The following ASH1L variants were observed in gnomAD, a reference collection of about 807,000 sequenced individuals.
The protein encoded by ASH1L is ASH1 like histone lysine methyltransferase.
ASH1L carries 23 observed loss-of-function variants against 269.0 expected under a neutral mutation model. That is an observed-to-expected ratio of 0.09 (90% CI 0.06 to 0.12). The LOEUF (loss-of-function observed/expected upper bound fraction) is 0.12. Among genes scored for constraint, ASH1L ranks in the 10% least tolerant of loss-of-function variants. The pLI, the probability that ASH1L is intolerant of heterozygous loss-of-function variation, is 1.00. For synonymous variants in ASH1L, 1,187 were observed against 1,253.5 expected (o/e 0.95, Z 1.12); for missense variants, 2,912 against 3,567.8 (o/e 0.82, Z 4.68).
chr1:155,547,924 C>T (rs1425301321), intron 1 of ASH1L, among the ~76,000 whole-genome samples: 4 of 152,070 alleles, frequency 2.6e-5, no homozygotes, highest in South Asian at 2.1e-4. Flanking sequence ...TGCAGTAAGC[C>T]GAGATCGCAC....
rs1047286104 is a variant in ASH1L at position 155,337,688 on chromosome 1, A to G, written c.8867T>C (p.Phe2956Ser). Residue 2956 changes from phenylalanine to serine, a missense_variant, in exon 28 of 28, where the codon TTT (phenylalanine) becomes TCT (serine). Physicochemically the swap from Phe to Ser is radical, Grantham distance 155. Coordinates refer to ENST00000392403, the MANE Select transcript of ASH1L (RefSeq NM_018489.3). Reference protein sequence around the residue: ...SGRKLRRRTLFIPENSFRK With the variant: ...SGRKLRRRTLSIPENSFRK The stretch of plus-strand genomic sequence containing the variant: ...CTTTCGAAAGCTGTTTTCTGGGATA[A>G]ACAAAGTACGCCTTCGCAGTTTCCT... The G allele has an allele frequency of 1.9e-5, 31 of 1,613,862 alleles. No homozygotes were observed. Among genetic ancestry groups the G allele is most frequent in the Admixed American group, 3.3e-5 (2 of 59,994 alleles).
chr1:155,557,171 G>C (rs1462865234), intron 1 of ASH1L, among the ~76,000 whole-genome samples: 8 of 152,026 alleles, frequency 5.3e-5, no homozygotes, highest in Admixed American at 4.6e-4. Context: ...TTCCAAACAT[G>C]AAAACTTAGC....
At chr1:155,442,430 A>G (rs1037367373) in intron 4 of ASH1L, among the ~76,000 whole-genome samples, 2 of 151,876 alleles carry the variant, frequency 1.3e-5, no homozygotes, top group African/African-American at 4.8e-5. Context: ...TAAAAATACA[A>G]AAATTAGCCG....
intron 4 of ASH1L, among the ~76,000 whole-genome samples, chr1:155,456,677 C>A (rs1461923252): frequency 6.6e-6 from 1 of 152,126 alleles, no homozygotes; most frequent in Non-Finnish European, 1.5e-5. Context: ...AAAGTATAAA[C>A]CACTGCTTCT....
intron 3 of ASH1L, among the ~76,000 whole-genome samples, chr1:155,472,891 T>C (rs2148706220): frequency 6.6e-6 from 1 of 152,328 alleles, no homozygotes; most frequent in South Asian, 2.1e-4. Context: ...CTACTTTAAA[T>C]ACTGCAGTTC....
intron 6 of ASH1L, among the ~76,000 whole-genome samples, chr1:155,414,964 T>C (rs977743390): frequency 6.6e-6 from 1 of 152,182 alleles, no homozygotes; most frequent in East Asian, 1.9e-4. Context: ...AAATATTTTA[T>C]TCATCTGACA....
At chr1:155,534,441 G>GA (rs1330977849) in intron 1 of ASH1L, among the ~76,000 whole-genome samples, 1 of 151,334 alleles carries the variant, frequency 6.6e-6, no homozygotes, top group African/African-American at 2.4e-5. Context: ...GATGAGGGTG[G>GA]AAAAAACTGA....
upstream of ASH1L, chr1:155,563,116 GC>G (rs1672167054): frequency 2.2e-6 from 1 of 456,946 alleles, no homozygotes; most frequent in African/African-American, 2.0e-5. Context: ...GCCTCCCTCT[GC>G]TCCTCCTCCT....
intron 4 of ASH1L, among the ~76,000 whole-genome samples, chr1:155,454,559 G>A (rs937349537): frequency 6.6e-6 from 1 of 152,138 alleles, no homozygotes; most frequent in Non-Finnish European, 1.5e-5. Context: ...CTTGAGGTCA[G>A]GAGTTCGAGA....
intron 2 of ASH1L, among the ~76,000 whole-genome samples, chr1:155,512,930 A>T: frequency 6.6e-6 from 1 of 151,718 alleles, no homozygotes; most frequent in East Asian, 2.0e-4. Context: ...GGTGGCACAC[A>T]CCTGTAGCCG....
At chr1:155,494,346 C>A (rs111381536) in intron 2 of ASH1L, among the ~76,000 whole-genome samples, 2 of 152,122 alleles carry the variant, frequency 1.3e-5, no homozygotes, top group Non-Finnish European at 2.9e-5. Flanking sequence ...GGAAAATGGA[C>A]ATTTTTCAGT....
chr1:155,513,567 G>A (rs1668306751), intron 2 of ASH1L, among the ~76,000 whole-genome samples: 1 of 137,342 alleles, frequency 7.3e-6, no homozygotes, highest in African/African-American at 2.8e-5. Flanking sequence ...GTGAGATCCT[G>A]TATCAAAAAA....
At position 155,340,825 on chromosome 1, in the gene ASH1L, G is replaced by A. The variant is rs115892527; in HGVS notation, c.8460+1111C>T. On this transcript the variant is annotated intron_variant, in intron 25 of 27. Transcript: ENST00000392403. ...GGGTCTCTGTCACTCAGGCTGGAGT[G>A]CAGTGGCACAATCAGCTTACTGTAA... 6.3e-3 allele frequency among the ~76,000 whole-genome samples: 944 copies of A among 149,406 alleles called. 10 individuals are homozygous for A. Among genetic ancestry groups the A allele is most frequent in the African/African-American group, 0.023 (913 of 40,516 alleles).
At chr1:155,402,645 T>C (rs1030701147) in intron 6 of ASH1L, among the ~76,000 whole-genome samples, 7 of 152,078 alleles carry the variant, frequency 4.6e-5, no homozygotes, top group Non-Finnish European at 8.8e-5. Context: ...CTCCTAAGGC[T>C]CAAGCAATCC....
intron 1 of ASH1L, among the ~76,000 whole-genome samples, chr1:155,549,686 G>GTA (rs1671066031): frequency 6.6e-6 from 1 of 151,730 alleles, no homozygotes; most frequent in African/African-American, 2.4e-5. Context: ...TATCCAAGTA[G>GTA]TATACCATTT....
intron 3 of ASH1L, among the ~76,000 whole-genome samples, chr1:155,461,245 A>C (rs1482187134): frequency 6.6e-6 from 1 of 152,218 alleles, no homozygotes; most frequent in Non-Finnish European, 1.5e-5. Context: ...CTTTTCTCTA[A>C]GAGAAATAGA....
At chr1:155,404,300 G>A (rs150010529) in intron 6 of ASH1L, among the ~76,000 whole-genome samples, 23 of 152,192 alleles carry the variant, frequency 1.5e-4, no homozygotes, top group Admixed American at 7.9e-4. Context: ...AGACTGTAGT[G>A]AGCTGGTATT....
intron 7 of ASH1L, among the ~76,000 whole-genome samples, chr1:155,382,867 A>G (rs1198568639): frequency 1.3e-5 from 2 of 152,050 alleles, no homozygotes; most frequent in East Asian, 1.9e-4. Flanking sequence ...CTGGCACTAC[A>G]GGCATGTGCC....
At chr1:155,465,912 G>A (rs926749433) in intron 3 of ASH1L, among the ~76,000 whole-genome samples, 2 of 152,166 alleles carry the variant, frequency 1.3e-5, no homozygotes, top group African/African-American at 4.8e-5. Context: ...TGAATGAGCT[G>A]AATGCTAAGG....
Sources: gnomAD v4.1 joint callset for allele counts (sites outside exome capture counted in the v4.1 genomes callset) on GRCh38, gnomAD v4.1.1 for gene constraint, MANE v1.5 for transcripts, NCBI Gene and HGNC (gene_info 2026-07-23, HGNC 2026-07-21) for gene names.